NRF1: variants seen among roughly 807,000 people sequenced by gnomAD.
NRF1 encodes nuclear respiratory factor 1.
A neutral mutation model predicts 58.5 loss-of-function variants in NRF1; 5 were observed. The observed-to-expected ratio is 0.09, with a 90% confidence interval of 0.04 to 0.18. NRF1 has a LOEUF of 0.18. Among genes scored for constraint, NRF1 ranks in the 10% least tolerant of loss-of-function variants. The probability of loss-of-function intolerance (pLI) is 1.00; values close to 1 mark genes in which losing one functional copy is unlikely to be tolerated. For synonymous variants in NRF1, 224 were observed against 246.7 expected (o/e 0.91, Z 0.86); for missense variants, 288 against 657.7 (o/e 0.44, Z 6.15).
intron 1 of NRF1, among the ~76,000 whole-genome samples, chr7:129,614,447 G>GTGTGTGTGTGTA (rs1363915467): frequency 7.8e-6 from 1 of 127,810 alleles, no homozygotes; most frequent in Non-Finnish European, 1.8e-5. Flanking sequence ...ATGTATTTGT[G>GTGTGTGTGTGTA]TGTGTGTGTG....
At chr7:129,731,270 T>TG (rs1467283430) in intron 10 of NRF1, among the ~76,000 whole-genome samples, 1 of 108,108 alleles carries the variant, frequency 9.3e-6, no homozygotes, top group African/African-American at 3.0e-5. Flanking sequence ...GACTCCGTCT[T>TG]GAAAAAAAAA....
intron 1 of NRF1, among the ~76,000 whole-genome samples, chr7:129,614,443 TTG>T (rs56403369): frequency 1.5e-4 from 22 of 145,846 alleles, no homozygotes; most frequent in Middle Eastern, 6.8e-3. Context: ...AAATATGTAT[TTG>T]TGTGTGTGTG....
intron 2 of NRF1, among the ~76,000 whole-genome samples, chr7:129,658,428 C>T (rs1173288301): frequency 6.6e-6 from 1 of 151,484 alleles, no homozygotes; most frequent in Non-Finnish European, 1.5e-5. Flanking sequence ...CCCATCTCTA[C>T]CAAAAAAAAA....
chr7:129,670,429 T>C (rs1554407198), intron 2 of NRF1, among the ~76,000 whole-genome samples: 1 of 152,222 alleles, frequency 6.6e-6, no homozygotes, highest in Non-Finnish European at 1.5e-5. Context: ...AAGCAGTTGC[T>C]TATTTTTTAT....
At chr7:129,640,226 C>T (rs2151066974) in intron 1 of NRF1, among the ~76,000 whole-genome samples, 1 of 152,250 alleles carries the variant, frequency 6.6e-6, no homozygotes, top group East Asian at 1.9e-4. Flanking sequence ...TTTTATAATA[C>T]AAATTCACGG....
intron 4 of NRF1, among the ~76,000 whole-genome samples, chr7:129,689,399 AAT>A (rs1232497757): frequency 2.0e-5 from 3 of 152,220 alleles, no homozygotes; most frequent in Non-Finnish European, 4.4e-5. Flanking sequence ...GTTTCCCTAA[AAT>A]AGTGCCTTGA....
intron 1 of NRF1, among the ~76,000 whole-genome samples, chr7:129,638,370 G>T (rs141978469): frequency 1.3e-5 from 2 of 152,138 alleles, no homozygotes; most frequent in African/African-American, 4.8e-5. Flanking sequence ...CGAGAAAGAC[G>T]GTTGACTTGT....
chr7:129,677,811 T>C, intron 4 of NRF1, 53 bp downstream of exon 4: 1 of 1,604,046 alleles, frequency 6.2e-7, no homozygotes, highest in South Asian at 1.1e-5. Flanking sequence ...GTCGGCTGCT[T>C]CCATTCTTCT....
intron 1 of NRF1, among the ~76,000 whole-genome samples, chr7:129,638,543 C>A (rs2151066049): frequency 6.6e-6 from 1 of 152,232 alleles, no homozygotes; most frequent in East Asian, 1.9e-4. Flanking sequence ...TTTTCCCCTT[C>A]TGTTTTTGAG....
At chr7:129,676,102 G>C (rs1221007611) in intron 3 of NRF1, among the ~76,000 whole-genome samples, 1 of 152,206 alleles carries the variant, frequency 6.6e-6, no homozygotes, top group East Asian at 1.9e-4. Flanking sequence ...CTCTGAAAGA[G>C]TCAGGGCTTT....
intron 10 of NRF1, among the ~76,000 whole-genome samples, chr7:129,744,841 AG>A (rs1390052166): frequency 2.6e-5 from 4 of 152,008 alleles, no homozygotes; most frequent in Non-Finnish European, 4.4e-5. Flanking sequence ...ATGCTGAGTG[AG>A]GGGATGAAAA....
intron 10 of NRF1, among the ~76,000 whole-genome samples, chr7:129,745,650 C>T (rs1309458644): frequency 2.0e-5 from 3 of 152,126 alleles, no homozygotes; most frequent in Non-Finnish European, 4.4e-5. Flanking sequence ...AGTTTAAAGC[C>T]TTCTTGGCAG....
At chr7:129,618,061 T>G (rs1800693350) in intron 1 of NRF1, among the ~76,000 whole-genome samples, 1 of 152,192 alleles carries the variant, frequency 6.6e-6, no homozygotes. Context: ...AAAGATGACA[T>G]GTAAAGATTT....
intron 2 of NRF1, among the ~76,000 whole-genome samples, chr7:129,663,533 T>TCCCCACCTCCCAGACGGGGC (rs1801842344): frequency 6.8e-6 from 1 of 146,518 alleles, no homozygotes; most frequent in Non-Finnish European, 1.5e-5. Flanking sequence ...CCAGACGGGG[T>TCCCCACCTCCCAGACGGGGC]GGCCGGGCAG....
chr7:129,722,392 A>AG (rs1430976632), intron 9 of NRF1, among the ~76,000 whole-genome samples: 1 of 151,438 alleles, frequency 6.6e-6, no homozygotes, highest in Non-Finnish European at 1.5e-5. Context: ...ACTCCGTCTC[A>AG]GAAAAAAAAA....
intron 10 of NRF1, among the ~76,000 whole-genome samples, chr7:129,743,189 A>C (rs1287919090): frequency 6.6e-6 from 1 of 150,546 alleles, no homozygotes; most frequent in East Asian, 1.9e-4. Flanking sequence ...AAAAAAAAAA[A>C]ACCTGAATTA....
chr7:129,621,772 C>A (rs889133290), intron 1 of NRF1, among the ~76,000 whole-genome samples: 1 of 146,438 alleles, frequency 6.8e-6, no homozygotes, highest in Admixed American at 7.1e-5. Context: ...AAAAGTTTTT[C>A]TCCATAGAAT....
chr7:129,699,016 T>C (rs1230629344), intron 5 of NRF1, among the ~76,000 whole-genome samples: 3 of 152,192 alleles, frequency 2.0e-5, no homozygotes, highest in Non-Finnish European at 2.9e-5. Context: ...GGCGGTATTA[T>C]TGATTAAAAT....
At chr7:129,753,972 C>T (rs1433903481) in intron 10 of NRF1, among the ~76,000 whole-genome samples, 1 of 151,092 alleles carries the variant, frequency 6.6e-6, no homozygotes, top group African/African-American at 2.4e-5. Flanking sequence ...GGCAGTGTAG[C>T]CAAATATCAA....
Sources: allele counts gnomAD v4.1 joint callset (sites outside exome capture counted in the v4.1 genomes callset), GRCh38; gene constraint gnomAD v4.1.1; transcripts MANE v1.5; gene names NCBI Gene and HGNC (gene_info 2026-07-23, HGNC 2026-07-21).